The following NOL4 variants were observed in gnomAD, a reference collection of about 807,000 sequenced individuals.
NOL4 encodes the protein nucleolar protein 4, also known as cancer/testis antigen 125.
A neutral mutation model predicts 75.9 loss-of-function variants in NOL4; 17 were observed. The ratio of observed to expected loss-of-function variants is 0.22; its 90% CI spans 0.15 to 0.34. NOL4 has a LOEUF of 0.34. Ranked by LOEUF, NOL4 falls within the 10% of genes least tolerant of loss-of-function variation. The probability of loss-of-function intolerance (pLI) is 1.00; values close to 1 mark genes in which losing one functional copy is unlikely to be tolerated. For missense variants in NOL4, 614 were observed against 793.5 expected (o/e 0.77, Z 2.72); for synonymous variants, 292 against 289.9 (o/e 1.01, Z -0.07).
intron 5 of NOL4, among the ~76,000 whole-genome samples, chr18:34,036,862 G>A (rs1356552035): frequency 6.6e-6 from 1 of 152,160 alleles, no homozygotes; most frequent in African/African-American, 2.4e-5. Context: ...AACCCGAGAG[G>A]TGGAGATTGC....
chr18:34,097,236 G>C (rs918900427), intron 4 of NOL4, among the ~76,000 whole-genome samples: 3 of 152,076 alleles, frequency 2.0e-5, no homozygotes, highest in Admixed American at 6.5e-5. Context: ...CCATAAGACT[G>C]CTTAAAAACC....
intron 1 of NOL4, among the ~76,000 whole-genome samples, chr18:34,140,307 G>T (rs1034781165): frequency 4.6e-5 from 7 of 152,194 alleles, no homozygotes; most frequent in African/African-American, 1.7e-4. Context: ...TTATTGTGTG[G>T]GAGTCTCAGT....
chr18:34,068,385 A>T (rs74483792), intron 5 of NOL4, among the ~76,000 whole-genome samples: 2,496 of 152,172 alleles, frequency 0.016, 72 homozygotes, highest in African/African-American at 0.058. Context: ...TTCTTTTTTT[A>T]AAATTTTTTA....
intron 4 of NOL4, among the ~76,000 whole-genome samples, chr18:34,101,888 G>C (rs1403526880): frequency 1.3e-5 from 2 of 151,806 alleles, no homozygotes; most frequent in African/African-American, 4.8e-5. Flanking sequence ...AAATTTAAAA[G>C]TTCTTAAAAT....
chr18:34,072,034 C>T (rs537280399), intron 5 of NOL4, among the ~76,000 whole-genome samples: 9 of 152,164 alleles, frequency 5.9e-5, no homozygotes, highest in African/African-American at 1.7e-4. Context: ...AGTTCGAGAC[C>T]AGCCTGACCA....
chr18:33,908,558 A>G (rs184320364), intron 9 of NOL4, among the ~76,000 whole-genome samples: 172 of 152,236 alleles, frequency 1.1e-3, no homozygotes, highest in African/African-American at 4.1e-3. Context: ...CTTAATTCCT[A>G]TGTGTTGAGA....
chr18:34,097,804 T>C (rs937568712), intron 4 of NOL4, among the ~76,000 whole-genome samples: 7 of 152,170 alleles, frequency 4.6e-5, no homozygotes, highest in African/African-American at 1.7e-4. Flanking sequence ...TGTTGTTTCA[T>C]ATATCACATT....
At position 34,223,743 on chromosome 18, in the gene NOL4, C is replaced by T. The variant is rs2037469987; in HGVS notation, c.-490G>A. 6.6e-6 allele frequency among the ~76,000 whole-genome samples: 1 copy of T among 152,174 alleles called. No individual in the cohort carries two copies. The highest frequency in any genetic ancestry group is 2.4e-5 in the African/African-American group (1 of 41,450). ...CCAGAAGCTTCCCCAGCCACTGGCC[C>T]CGTGGTCCAGGAGTGAGGGCTGCGC... On this transcript the variant is annotated 5_prime_UTR_variant, in exon 1 of 11. Transcript: ENST00000261592.
chr18:34,207,106 A>G (rs1003690064), intron 1 of NOL4, among the ~76,000 whole-genome samples: 3 of 152,142 alleles, frequency 2.0e-5, no homozygotes, highest in African/African-American at 4.8e-5. Flanking sequence ...ATTTACTTCA[A>G]GAGTGTTTGC....
chr18:34,141,033 C>T (rs192143825), intron 1 of NOL4, among the ~76,000 whole-genome samples: 121 of 152,178 alleles, frequency 8.0e-4, no homozygotes, highest in Non-Finnish European at 1.3e-3. Context: ...TTCTTATACA[C>T]CAATAATAGA....
At chr18:34,112,941 G>A (rs2079670474) in intron 2 of NOL4, among the ~76,000 whole-genome samples, 1 of 152,134 alleles carries the variant, frequency 6.6e-6, no homozygotes, top group African/African-American at 2.4e-5. Context: ...CAATGTATAT[G>A]TGTATGAAAA....
chr18:34,111,721 A>T (rs1210750973), intron 2 of NOL4, among the ~76,000 whole-genome samples: 9 of 152,238 alleles, frequency 5.9e-5, no homozygotes, highest in Admixed American at 5.9e-4. Flanking sequence ...AATGGCTAAC[A>T]GGTATATGAA....
chr18:33,917,204 G>A (rs752069316), intron 9 of NOL4, among the ~76,000 whole-genome samples: 31 of 152,062 alleles, frequency 2.0e-4, no homozygotes, highest in South Asian at 1.0e-3. Flanking sequence ...AAGAAATGAC[G>A]GGCACAGTTG....
At chr18:33,999,560 CA>C (rs1420679566) in intron 6 of NOL4, among the ~76,000 whole-genome samples, 1 of 151,788 alleles carries the variant, frequency 6.6e-6, no homozygotes. Flanking sequence ...GAGCTGGGAC[CA>C]GATGTTTCAG....
chr18:34,106,331 G>T (rs2079277187), intron 2 of NOL4, among the ~76,000 whole-genome samples: 1 of 151,970 alleles, frequency 6.6e-6, no homozygotes, highest in Admixed American at 6.6e-5. Context: ...AAATTGTAAA[G>T]CTCATTTTTC....
chr18:34,050,205 T>C (rs1482375725), intron 5 of NOL4, among the ~76,000 whole-genome samples: 1 of 152,076 alleles, frequency 6.6e-6, no homozygotes, highest in African/African-American at 2.4e-5. Context: ...TGAAGATGCA[T>C]TCTCATAATT....
chr18:34,012,656 T>C (rs563986086), intron 6 of NOL4, among the ~76,000 whole-genome samples: 1 of 152,118 alleles, frequency 6.6e-6, no homozygotes, highest in South Asian at 2.1e-4. Flanking sequence ...TTTACATTTA[T>C]GAACCAAAGC....
At chr18:34,123,046 T>G (rs1344996670) in intron 2 of NOL4, among the ~76,000 whole-genome samples, 1 of 151,904 alleles carries the variant, frequency 6.6e-6, no homozygotes, top group Admixed American at 6.6e-5. Flanking sequence ...ATATTATAAT[T>G]TAATATAAAA....
intron 1 of NOL4, among the ~76,000 whole-genome samples, chr18:34,200,483 T>C (rs1600860239): frequency 1.3e-5 from 2 of 151,952 alleles, no homozygotes; most frequent in East Asian, 3.9e-4. Context: ...TTTGATACAA[T>C]GTTGGTATGA....
Sources: allele counts gnomAD v4.1 joint callset (sites outside exome capture counted in the v4.1 genomes callset), GRCh38; gene constraint gnomAD v4.1.1; transcripts MANE v1.5; gene names NCBI Gene and HGNC (gene_info 2026-07-23, HGNC 2026-07-21).